CNIH3: variants seen among roughly 807,000 people sequenced by gnomAD.
The protein encoded by CNIH3 is cornichon family AMPA receptor auxiliary protein 3.
A neutral mutation model predicts 24.1 loss-of-function variants in CNIH3; 14 were observed. That is an observed-to-expected ratio of 0.58 (90% CI 0.38 to 0.91). CNIH3 has a LOEUF of 0.91. Ranked by LOEUF, CNIH3 falls within the 40% of genes least tolerant of loss-of-function variation. The pLI is 0.00. For missense variants in CNIH3, 178 were observed against 196.8 expected (o/e 0.90, Z 0.57); for synonymous variants, 68 against 73.8 (o/e 0.92, Z 0.40).
At chr1:224,462,087 C>T (rs974594524) in intron 1 of CNIH3, among the ~76,000 whole-genome samples, 2 of 152,118 alleles carry the variant, frequency 1.3e-5, no homozygotes, top group Non-Finnish European at 1.5e-5. Context: ...CTGCCCTGCT[C>T]CATGTAAACC....
In CNIH3 at chr1:224,484,294, G is replaced by T. The variant is rs903843084; in HGVS notation, n.204-31447G>T. On this transcript the variant is annotated intron_variant and non_coding_transcript_variant, in intron 1 of 5. Coordinates refer to the CNIH3 transcript ENST00000471578. ...AAATACAAAAAATTAGCCGGGCGCG[G>T]TAGTGGGCACCTGTAGTCCCAGCTA... Among the ~76,000 whole-genome samples, 17 of 152,134 alleles carry T rather than the reference G, an allele frequency of 1.1e-4. No individual in the cohort carries two copies. The East Asian group carries it at 3.1e-3, about 28-fold the overall frequency.
chr1:224,629,464 C>T (rs1012195133), intron 1 of CNIH3, among the ~76,000 whole-genome samples: 11 of 152,098 alleles, frequency 7.2e-5, no homozygotes, highest in Non-Finnish European at 4.4e-5. Context: ...GAATAAATCT[C>T]TTCAAATATT....
intron 1 of CNIH3, among the ~76,000 whole-genome samples, chr1:224,472,331 A>T (rs1345526734): frequency 1.3e-5 from 2 of 152,240 alleles, no homozygotes; most frequent in Non-Finnish European, 2.9e-5. Flanking sequence ...ATACTTGCAC[A>T]TGCATGTTTA....
rs539721594 is a variant in CNIH3 at position 224,500,792 on chromosome 1, G to A, written n.204-14949G>A. Among the ~76,000 whole-genome samples the A allele has an allele frequency of 2.8e-4, 42 of 152,324 alleles. No individual in the cohort carries two copies. The South Asian group carries it at 8.5e-3, about 31-fold the overall frequency. ...ACCAACCCCAGTCGCCAGTGGGCTGGGATGTGCTGAGTGGCTACCTGCTGC... is the reference window on the plus strand; with the variant it reads ...ACCAACCCCAGTCGCCAGTGGGCTGAGATGTGCTGAGTGGCTACCTGCTGC... On this transcript the variant is annotated intron_variant and non_coding_transcript_variant, in intron 1 of 5. Transcript: ENST00000471578.
chr1:224,657,243 G>T (rs1295880781), intron 1 of CNIH3, among the ~76,000 whole-genome samples: 1 of 152,112 alleles, frequency 6.6e-6, no homozygotes, highest in African/African-American at 2.4e-5. Flanking sequence ...TGAGCACACA[G>T]TCCTTAACCC....
chr1:224,712,953 G>A (rs956580202), intron 3 of CNIH3, among the ~76,000 whole-genome samples: 1 of 152,170 alleles, frequency 6.6e-6, no homozygotes, highest in Admixed American at 6.5e-5. Flanking sequence ...GTTGCCAAAT[G>A]TCTCAGATTT....
rs367770877 is a variant in CNIH3, at chr1:224,451,715, A to G, written n.203+16853A>G. 5.4e-4 allele frequency among the ~76,000 whole-genome samples: 82 copies of G among 152,268 alleles called. 1 individual carries two copies. Among genetic ancestry groups the G allele is most frequent in the South Asian group, 1.2e-3 (6 of 4,816 alleles). On this transcript the variant is annotated intron_variant and non_coding_transcript_variant, in intron 1 of 5. Transcript: ENST00000471578. ...TAGATCTTTGGCCCAGGGGAAGAAA[A>G]TAGGTTGGTGTCAGCTGGCTTTAAC... is the stretch of plus-strand genomic sequence containing the variant.
At chr1:224,676,622 G>A (rs370186101) in intron 1 of CNIH3, among the ~76,000 whole-genome samples, 1 of 152,214 alleles carries the variant, frequency 6.6e-6, no homozygotes, top group East Asian at 1.9e-4. Context: ...GTGCAATGGA[G>A]CATTGTAGGA....
chr1:224,566,832 T>A (rs922084391), intron 4 of CNIH3, among the ~76,000 whole-genome samples: 7 of 152,216 alleles, frequency 4.6e-5, no homozygotes, highest in Admixed American at 3.9e-4. Context: ...CAAACACACA[T>A]GTGCATGTGT....
intron 1 of CNIH3, among the ~76,000 whole-genome samples, chr1:224,448,664 C>A (rs1156810244): frequency 4.6e-5 from 7 of 152,178 alleles, no homozygotes; most frequent in Non-Finnish European, 1.0e-4. Flanking sequence ...AGTGCAATCC[C>A]ACGTGTATCG....
upstream of CNIH3, among the ~76,000 whole-genome samples, chr1:224,611,754 C>T (rs1682711539): frequency 6.6e-6 from 1 of 152,202 alleles, no homozygotes; most frequent in South Asian, 2.1e-4. Context: ...AACATCCATT[C>T]CCAATCACCA....
chr1:224,711,520 C>T (rs549253373), intron 3 of CNIH3, among the ~76,000 whole-genome samples: 2 of 152,012 alleles, frequency 1.3e-5, no homozygotes, highest in South Asian at 4.2e-4. Flanking sequence ...AGAGGGTGGG[C>T]GCAGTGGCTC....
intron 1 of CNIH3, among the ~76,000 whole-genome samples, chr1:224,470,934 A>C (rs1676344314): frequency 6.6e-6 from 1 of 152,224 alleles, no homozygotes; most frequent in South Asian, 2.1e-4. Context: ...TCAAGAATTT[A>C]TCGTTTGTGT....
At chr1:224,735,524 G>T (rs1309681516) in intron 5 of CNIH3, among the ~76,000 whole-genome samples, 1 of 152,212 alleles carries the variant, frequency 6.6e-6, no homozygotes, top group African/African-American at 2.4e-5. Flanking sequence ...CTCCAAAAGG[G>T]CATGGTTGAC....
intron 5 of CNIH3, among the ~76,000 whole-genome samples, chr1:224,585,094 C>G (rs1681441904): frequency 6.6e-6 from 1 of 152,226 alleles, no homozygotes; most frequent in South Asian, 2.1e-4. Flanking sequence ...GCACATCACT[C>G]AAGTCCTTCA....
chr1:224,664,947 T>C (rs1207352108), intron 1 of CNIH3: 1 of 152,220 alleles, frequency 6.6e-6, no homozygotes, highest in African/African-American at 2.4e-5. Flanking sequence ...AATTTGGCTC[T>C]TCGGGGGCCT....
chr1:224,730,612 C>A, intron 4 of CNIH3, 38 bp downstream of exon 4: 1 of 1,305,314 alleles, frequency 7.7e-7, no homozygotes. Flanking sequence ...TTCGTCTTTT[C>A]TGCCAGGGCA....
chr1:224,605,115 T>C (rs1682365197), intron 3 of CNIH3, among the ~76,000 whole-genome samples: 1 of 152,140 alleles, frequency 6.6e-6, no homozygotes, highest in Non-Finnish European at 1.5e-5. Flanking sequence ...GGTAGGTATA[T>C]GTAAAATAGG....
chr1:224,628,283 G>T (rs1245186098), intron 1 of CNIH3, among the ~76,000 whole-genome samples: 1 of 152,128 alleles, frequency 6.6e-6, no homozygotes, highest in East Asian at 1.9e-4. Context: ...TGTAAAATAC[G>T]TATATGACAT....
Sources: allele counts gnomAD v4.1 joint callset (sites outside exome capture counted in the v4.1 genomes callset), GRCh38; gene constraint gnomAD v4.1.1; transcripts MANE v1.5; gene names NCBI Gene and HGNC (gene_info 2026-07-23, HGNC 2026-07-21).